The following RYR2 variants were observed in gnomAD, a reference collection of about 807,000 sequenced individuals.
RYR2 encodes cardiac muscle ryanodine receptor-calcium release channel.
RYR2 carries 227 observed loss-of-function variants against 601.1 expected under a neutral mutation model. That is an observed-to-expected ratio of 0.38 (90% confidence interval 0.34 to 0.42). RYR2 has a LOEUF of 0.42. Ranked by LOEUF, RYR2 falls within the 10% of genes least tolerant of loss-of-function variation. The probability of loss-of-function intolerance (pLI) is 1.00; values close to 1 mark genes in which losing one functional copy is unlikely to be tolerated. For synonymous variants in RYR2, 2,223 were observed against 2,175.1 expected, an observed-to-expected ratio of 1.02 and a Z score of -0.61; for missense variants, 4,646 against 6,156.5, an observed-to-expected ratio of 0.75 and a Z score of 8.21.
At chr1:237,058,807 C>T (rs1356583238) in intron 1 of RYR2, among the ~76,000 whole-genome samples, 4 of 28,868 alleles carry the variant, frequency 1.4e-4, no homozygotes, top group African/African-American at 4.1e-4. Flanking sequence ...GGCGGGGGGC[C>T]GGGGGGCGGG....
At chr1:237,254,387 C>T (rs915171546) in intron 1 of RYR2, among the ~76,000 whole-genome samples, 1 of 152,184 alleles carries the variant, frequency 6.6e-6, no homozygotes, top group African/African-American at 2.4e-5. Context: ...TCTAAAATTA[C>T]TTCTCCATCT....
intron 63 of RYR2, among the ~76,000 whole-genome samples, chr1:237,690,969 A>G (rs1268232758): frequency 6.6e-6 from 1 of 152,310 alleles, no homozygotes; most frequent in East Asian, 1.9e-4. Context: ...CCAGTAGCAT[A>G]TATGCAGTGC....
Position 237,317,605 on chromosome 1 carries a change from T to C in RYR2, c.169-13273T>C, listed in dbSNP as rs569537000. On this transcript the variant is annotated intron_variant, in intron 2 of 104. Transcript: ENST00000366574. ...GGTGGGTTACTTGGTGTTTCCAATG[T>C]ATGCAATCATGACATTTGGAAATAC... Among the ~76,000 whole-genome samples, 364 of 152,294 alleles carry C rather than the reference T, an allele frequency of 2.4e-3. 2 individuals are homozygous for C. The highest frequency in any genetic ancestry group is 8.4e-3 in the African/African-American group (351 of 41,578).
At chr1:237,596,555 G>A (rs746622064) in intron 34 of RYR2, among the ~76,000 whole-genome samples, 4 of 152,118 alleles carry the variant, frequency 2.6e-5, no homozygotes, top group Non-Finnish European at 5.9e-5. Context: ...TAGAACTTAT[G>A]GGATGCCACT....
At chr1:237,226,179 G>A (rs567740411) in intron 1 of RYR2, among the ~76,000 whole-genome samples, 4 of 152,306 alleles carry the variant, frequency 2.6e-5, no homozygotes, top group South Asian at 2.1e-4. Flanking sequence ...GTTCAGGAAC[G>A]GTTTTATGGC....
chr1:237,661,787 C>T (rs10925487), intron 56 of RYR2, among the ~76,000 whole-genome samples: 64,210 of 151,878 alleles, frequency 0.42, 16,737 homozygotes, highest in Non-Finnish European at 0.59. Flanking sequence ...CAAGGGAGTT[C>T]GACAAACAAG....
At chr1:237,242,309 A>G (rs1387402111) in intron 1 of RYR2, among the ~76,000 whole-genome samples, 2 of 151,742 alleles carry the variant, frequency 1.3e-5, no homozygotes, top group African/African-American at 4.8e-5. Flanking sequence ...ATCATCTAGT[A>G]TACCTTCTTC....
At chr1:237,809,683 ATACC>A (rs1368748681) in intron 100 of RYR2, among the ~76,000 whole-genome samples, 8 of 152,154 alleles carry the variant, frequency 5.3e-5, no homozygotes, top group Non-Finnish European at 1.0e-4. Context: ...CCTCACGAAA[ATACC>A]TACATCATTT....
At chr1:237,603,970 A>G (rs1676808603) in intron 35 of RYR2, among the ~76,000 whole-genome samples, 1 of 152,136 alleles carries the variant, frequency 6.6e-6, no homozygotes, top group South Asian at 2.1e-4. Context: ...CACAATAATA[A>G]TGGGAGACTT....
At chr1:237,539,240 C>T (rs1668991666) in intron 25 of RYR2, among the ~76,000 whole-genome samples, 3 of 152,240 alleles carry the variant, frequency 2.0e-5, no homozygotes, top group African/African-American at 7.2e-5. Flanking sequence ...GTTTGACTCT[C>T]ACTTCCCCTT....
chr1:237,290,168 C>G (rs889215869), intron 2 of RYR2, among the ~76,000 whole-genome samples: 2 of 152,174 alleles, frequency 1.3e-5, no homozygotes, highest in Non-Finnish European at 2.9e-5. Context: ...TAAAGGGATA[C>G]TATGTGGTAA....
Position 237,718,533 on chromosome 1 carries a change from T to C in RYR2, c.10554+12T>C, listed in dbSNP as rs1481816460. 6.5e-7 allele frequency: 1 copy of C among 1,539,090 alleles called. No homozygotes were observed. On this transcript the variant is annotated intron_variant, in intron 73 of 104. Transcript: ENST00000366574. ...ATTTACAAGGCAAGGTAAGCCAAAT[T>C]TTATTCTTAAGCCACATTTACTACC...
At chr1:237,322,698 A>T (rs2149530824) in intron 2 of RYR2, among the ~76,000 whole-genome samples, 1 of 152,148 alleles carries the variant, frequency 6.6e-6, no homozygotes, top group South Asian at 2.1e-4. Context: ...TGCAAATAAC[A>T]AGTATTTGTG....
chr1:237,063,767 T>G (rs1663184732), intron 1 of RYR2, among the ~76,000 whole-genome samples: 1 of 152,196 alleles, frequency 6.6e-6, no homozygotes, highest in Non-Finnish European at 1.5e-5. Flanking sequence ...AGAAGTACCT[T>G]AAGATTTATT....
At chr1:237,198,228 C>T (rs7526053) in intron 1 of RYR2, among the ~76,000 whole-genome samples, 62,178 of 151,926 alleles carry the variant, frequency 0.41, 12,835 homozygotes, top group African/African-American at 0.45. Flanking sequence ...CACTTGTTCT[C>T]AGCTGTGATA....
chr1:237,070,399 A>G (rs1371465542), intron 1 of RYR2, among the ~76,000 whole-genome samples: 2 of 152,152 alleles, frequency 1.3e-5, no homozygotes, highest in Admixed American at 1.3e-4. Flanking sequence ...GATAGGATGA[A>G]TAACAGAAAA....
intron 2 of RYR2, among the ~76,000 whole-genome samples, chr1:237,304,045 T>G (rs919433725): frequency 3.3e-5 from 5 of 152,212 alleles, no homozygotes; most frequent in African/African-American, 1.2e-4. Flanking sequence ...TACAGATCAC[T>G]CTACTGTAAT....
intron 2 of RYR2, among the ~76,000 whole-genome samples, chr1:237,307,793 T>C (rs1282103898): frequency 5.9e-5 from 9 of 152,250 alleles, no homozygotes; most frequent in Non-Finnish European, 8.8e-5. Flanking sequence ...GGGCTATTAA[T>C]AGATGCCTTT....
At position 237,454,495 on chromosome 1, in the gene RYR2, C is replaced by A. The variant is rs967199869; in HGVS notation, c.1397C>A (p.Pro466Gln). 2.5e-6 allele frequency: 4 copies of A among 1,613,424 alleles called. No individual in the cohort carries two copies. Among genetic ancestry groups the A allele is most frequent in the Admixed American group, 3.3e-5 (2 of 59,912 alleles). The change falls in exon 15 of 105, where the codon CCA (proline) becomes CAA (glutamine). Residue 466 changes from proline (P) to glutamine (Q), a missense_variant. Around this residue, in one of 17 missense-constraint regions of RYR2, gnomAD observed 1,807 missense variants for 2,088.1 expected, o/e 0.87. Transcript: ENST00000366574. ...GATCTCATTGGCTACTTCCACCCCCCAGATGAGCATTTAGAGCATGAAGAC... is the reference window on the plus strand; with the variant it reads ...GATCTCATTGGCTACTTCCACCCCCAAGATGAGCATTTAGAGCATGAAGAC... ...LQDLIGYFHP[P>Q]DEHLEHEDKQ...
Sources: gnomAD v4.1 joint callset for allele counts (sites outside exome capture counted in the v4.1 genomes callset) on GRCh38, gnomAD v4.1.1 for gene constraint, gnomAD v4.1.1 regional missense constraint, MANE v1.5 for transcripts, NCBI Gene and HGNC (gene_info 2026-07-23, HGNC 2026-07-21) for gene names.